Variants in COL22A1 observed in about 807,000 individuals in gnomAD.
The protein encoded by COL22A1 is collagen alpha-1(XXII) chain.
A neutral mutation model predicts 248.9 loss-of-function variants in COL22A1; 221 were observed. The observed-to-expected ratio is 0.89, with a 90% CI of 0.80 to 0.99. The LOEUF (loss-of-function observed/expected upper bound fraction) is 0.99. Ranked by LOEUF, COL22A1 falls within the 50% of genes least tolerant of loss-of-function variation. COL22A1 has a pLI of 0.00. For missense variants in COL22A1, 2,240 were observed against 2,179.0 expected, an observed-to-expected ratio of 1.03 and a Z score of -0.56; for synonymous variants, 891 against 793.4, an observed-to-expected ratio of 1.12 and a Z score of -2.07.
intron 38 of COL22A1, 103 bp downstream of exon 38, chr8:138,685,105 C>A: frequency 1.2e-6 from 1 of 830,398 alleles, no homozygotes; most frequent in Non-Finnish European, 2.0e-6. Flanking sequence ...TCATTGGCCA[C>A]GGTTCAATTT....
chr8:138,728,384 G>A (rs560615093), intron 23 of COL22A1, among the ~76,000 whole-genome samples: 8 of 152,010 alleles, frequency 5.3e-5, no homozygotes, highest in South Asian at 4.1e-4. Flanking sequence ...GAGCATATCC[G>A]AAGGCCCTTC....
chr8:138,603,444 T>C (rs1818193269), intron 59 of COL22A1, among the ~76,000 whole-genome samples: 1 of 152,026 alleles, frequency 6.6e-6, no homozygotes, highest in Non-Finnish European at 1.5e-5. Flanking sequence ...AAGCCTTGGA[T>C]GGGAGAAGGT....
At position 138,591,919 on chromosome 8, in the gene COL22A1, C is replaced by T. The variant is rs1291698803; in HGVS notation, c.4616-418G>A. On this transcript the variant is annotated intron_variant, in intron 63 of 64. Transcript: ENST00000303045. ...CACACCTACACACTCTCTCATATGC[C>T]GTACACACAGAAGTCCGCATGCATC... Among the ~76,000 whole-genome samples, 7 of 152,252 alleles carry T rather than the reference C, an allele frequency of 4.6e-5. No homozygotes were observed. The East Asian group carries it at 9.7e-4, about 21-fold the overall frequency.
chr8:138,703,362 G>T lies in COL22A1; in HGVS notation c.2518-15C>A. Reference sequence around the variant, plus strand: ...CCAGCTTCACCCTAGATGGAGAAATGGAAAATCCATGACCATTAATCTTCC... The same window carrying T: ...CCAGCTTCACCCTAGATGGAGAAATTGAAAATCCATGACCATTAATCTTCC... On this transcript the variant is annotated splice_polypyrimidine_tract_variant and intron_variant, in intron 30 of 64. Transcript: ENST00000303045. The T allele has an allele frequency of 6.2e-7, 1 of 1,612,118 alleles. No individual in the cohort carries two copies. The highest frequency in any genetic ancestry group is 8.5e-7 in the Non-Finnish European group (1 of 1,178,246).
At chr8:138,879,447 T>A (rs1487940481) in intron 2 of COL22A1, among the ~76,000 whole-genome samples, 1 of 151,904 alleles carries the variant, frequency 6.6e-6, no homozygotes, top group Non-Finnish European at 1.5e-5. Flanking sequence ...ATTCTAGCAA[T>A]TTGGGAGGTC....
chr8:138,654,713 T>G (rs1405819225), intron 45 of COL22A1, among the ~76,000 whole-genome samples: 4 of 152,128 alleles, frequency 2.6e-5, no homozygotes, highest in Non-Finnish European at 5.9e-5. Context: ...CTTTCACAGC[T>G]CTCAACATTG....
chr8:138,729,959 G>A (rs1418585650), intron 23 of COL22A1, among the ~76,000 whole-genome samples: 1 of 152,206 alleles, frequency 6.6e-6, no homozygotes, highest in Non-Finnish European at 1.5e-5. Flanking sequence ...GGGAGGGCTG[G>A]TGAGGGAGGG....
chr8:138,763,818 C>G (rs1479004274), intron 16 of COL22A1, among the ~76,000 whole-genome samples: 1 of 152,170 alleles, frequency 6.6e-6, no homozygotes, highest in Non-Finnish European at 1.5e-5. Flanking sequence ...ATGAGAGACT[C>G]TCTTCGGCTG....
At chr8:138,621,622 G>T (rs1819808008) in intron 52 of COL22A1, among the ~76,000 whole-genome samples, 1 of 152,182 alleles carries the variant, frequency 6.6e-6, no homozygotes, top group Non-Finnish European at 1.5e-5. Context: ...CAGCCTGCAG[G>T]AGTGTGAGTC....
chr8:138,792,586 G>A (rs190029540), intron 12 of COL22A1, among the ~76,000 whole-genome samples: 48 of 152,304 alleles, frequency 3.2e-4, no homozygotes, highest in African/African-American at 9.6e-4. Flanking sequence ...CCATTCTAAT[G>A]GGACTAACCA....
chr8:138,592,821 T>C (rs1166810480), intron 63 of COL22A1, among the ~76,000 whole-genome samples: 1 of 152,230 alleles, frequency 6.6e-6, no homozygotes, highest in African/African-American at 2.4e-5. Context: ...TTATTAATTA[T>C]ATAAGCTATT....
chr8:138,638,049 CATTGTCATCATT>C (rs1320837143), intron 47 of COL22A1, among the ~76,000 whole-genome samples: 1 of 151,966 alleles, frequency 6.6e-6, no homozygotes, highest in Non-Finnish European at 1.5e-5. Context: ...TCATCATCAT[CATTGTCATCATT>C]ATTGCCATTG....
intron 7 of COL22A1, 92 bp downstream of exon 7, chr8:138,821,044 T>C (rs1819072816): frequency 3.6e-6 from 5 of 1,370,476 alleles, no homozygotes; most frequent in Admixed American, 1.9e-5. Context: ...ACCTGGTTCA[T>C]GCAGGTGTGG....
At chr8:138,907,397 A>T (rs991300947) in intron 1 of COL22A1, among the ~76,000 whole-genome samples, 2 of 152,238 alleles carry the variant, frequency 1.3e-5, no homozygotes, top group African/African-American at 4.8e-5. Flanking sequence ...CTGGAAGGGT[A>T]CAAGAAAAAC....
chr8:138,607,905 T>A, intron 57 of COL22A1, 31 bp downstream of exon 57: 1 of 1,609,686 alleles, frequency 6.2e-7, no homozygotes, highest in Non-Finnish European at 8.5e-7. Context: ...CCCACCCTGA[T>A]GCCATCACAT....
intron 14 of COL22A1, among the ~76,000 whole-genome samples, chr8:138,779,149 A>G (rs1194927914): frequency 6.6e-6 from 1 of 152,218 alleles, no homozygotes; most frequent in East Asian, 1.9e-4. Flanking sequence ...GGGGAATGTT[A>G]TATATTACAA....
intron 62 of COL22A1, 110 bp downstream of exon 62, chr8:138,596,794 G>T: frequency 2.1e-6 from 2 of 962,952 alleles, no homozygotes; most frequent in Non-Finnish European, 3.3e-6. Flanking sequence ...CACTTGAGCT[G>T]CCGGTCAAGT....
intron 1 of COL22A1, among the ~76,000 whole-genome samples, chr8:138,895,559 C>A (rs887037195): frequency 6.6e-6 from 1 of 151,930 alleles, no homozygotes; most frequent in Non-Finnish European, 1.5e-5. Flanking sequence ...GGAAATGAGA[C>A]AACTGACTAA....
chr8:138,604,871 C>T (rs755682883), intron 58 of COL22A1, 102 bp from the exon 59 acceptor site: 1 of 1,024,184 alleles, frequency 9.8e-7, no homozygotes, highest in Non-Finnish European at 1.5e-6. Flanking sequence ...CATGTTCCAG[C>T]AAAGACAACA....
Sources: allele counts gnomAD v4.1 joint callset (sites outside exome capture counted in the v4.1 genomes callset), GRCh38; gene constraint gnomAD v4.1.1; transcripts MANE v1.5; gene names NCBI Gene and HGNC (gene_info 2026-07-23, HGNC 2026-07-21).